Variants in PLD1 observed in about 807,000 individuals in gnomAD.
PLD1 encodes choline phosphatase 1.
Under a neutral mutation model 137.1 loss-of-function variants are expected in PLD1, and 112 were observed. That is an observed-to-expected ratio of 0.82 (90% CI 0.70 to 0.96). PLD1 has a LOEUF of 0.96. Ranked by LOEUF, PLD1 falls within the 40% of genes least tolerant of loss-of-function variation. The pLI is 0.00. For missense variants in PLD1, 1,321 were observed against 1,342.0 expected (o/e 0.98, Z 0.24); for synonymous variants, 431 against 454.7 (o/e 0.95, Z 0.66).
intron 23 of PLD1, 50 bp from the exon 24 acceptor site, chr3:171,620,570 A>G (rs1733506752): frequency 9.0e-7 from 1 of 1,107,348 alleles, no homozygotes; most frequent in Admixed American, 1.8e-5. Context: ...AAGCTCAATA[A>G]ACGTACATTA....
intron 1 of PLD1, among the ~76,000 whole-genome samples, chr3:171,738,433 T>G (rs1719544038): frequency 1.3e-5 from 2 of 152,290 alleles, no homozygotes; most frequent in Admixed American, 6.5e-5. Flanking sequence ...AGAAATAGAT[T>G]ATTTGCTGTA....
intron 1 of PLD1, among the ~76,000 whole-genome samples, chr3:171,754,668 T>G (rs1011419762): frequency 6.6e-6 from 1 of 152,174 alleles, no homozygotes; most frequent in Admixed American, 6.5e-5. Flanking sequence ...ACAAAAGAAG[T>G]AAAGCTAGAA....
At chr3:171,663,253 C>T (rs912314965) in intron 19 of PLD1, among the ~76,000 whole-genome samples, 1 of 152,226 alleles carries the variant, frequency 6.6e-6, no homozygotes, top group Non-Finnish European at 1.5e-5. Context: ...TACGCAGACA[C>T]TCACCTGTCC....
intron 1 of PLD1, among the ~76,000 whole-genome samples, chr3:171,742,041 A>G (rs931924731): frequency 2.0e-5 from 3 of 149,244 alleles, no homozygotes; most frequent in Non-Finnish European, 3.0e-5. Context: ...TCCCATTGTT[A>G]CTAGCATTTT....
chr3:171,759,843 T>C (rs564284681), intron 1 of PLD1, among the ~76,000 whole-genome samples: 4 of 152,364 alleles, frequency 2.6e-5, no homozygotes, highest in African/African-American at 9.6e-5. Context: ...CACTTGCTGT[T>C]TTACTTCTTT....
chr3:171,753,284 G>A (rs972612814), intron 1 of PLD1, among the ~76,000 whole-genome samples: 1 of 152,206 alleles, frequency 6.6e-6, no homozygotes, highest in African/African-American at 2.4e-5. Flanking sequence ...TGAATCCTGT[G>A]ACGACATTCC....
chr3:171,627,734 A>T (rs1246728552), intron 23 of PLD1, among the ~76,000 whole-genome samples: 1 of 152,238 alleles, frequency 6.6e-6, no homozygotes, highest in East Asian at 1.9e-4. Context: ...CTACATGGAA[A>T]CTGAACAACC....
chr3:171,765,288 T>C (rs1007934060), intron 1 of PLD1: 5 of 152,246 alleles, frequency 3.3e-5, no homozygotes, highest in African/African-American at 7.2e-5. Flanking sequence ...TCCATGAGGC[T>C]GCCGTCTTCC....
intron 15 of PLD1, among the ~76,000 whole-genome samples, chr3:171,687,011 T>C (rs758034613): frequency 2.6e-5 from 4 of 152,354 alleles, no homozygotes; most frequent in Admixed American, 2.6e-4. Flanking sequence ...ATAAGCTTGA[T>C]ATATTTCTGG....
At chr3:171,761,972 C>T (rs1035159700) in intron 1 of PLD1, among the ~76,000 whole-genome samples, 10 of 152,162 alleles carry the variant, frequency 6.6e-5, no homozygotes, top group South Asian at 4.1e-4. Flanking sequence ...AATACAGAAA[C>T]GTAACTTTGG....
intron 23 of PLD1, among the ~76,000 whole-genome samples, chr3:171,639,616 TA>T (rs1245503102): frequency 1.9e-4 from 14 of 71,888 alleles, no homozygotes; most frequent in Admixed American, 1.1e-3. Flanking sequence ...ATATATTATA[TA>T]TAATATATAT....
intron 22 of PLD1, among the ~76,000 whole-genome samples, chr3:171,644,091 T>C (rs1735997100): frequency 6.6e-6 from 1 of 152,198 alleles, no homozygotes; most frequent in African/African-American, 2.4e-5. Flanking sequence ...CTGCTTTACT[T>C]ACCAAAGGTT....
rs774527301 is a variant in PLD1 at position 171,688,754 on chromosome 3, C to T, written c.1461G>A (p.Trp487Ter). The T allele has an allele frequency of 1.2e-6, 2 of 1,614,042 alleles. No individual in the cohort carries two copies. Among genetic ancestry groups the T allele is most frequent in the Non-Finnish European group, 1.7e-6 (2 of 1,180,026 alleles). ...VGGIDLAYGRWDDNEHRLTDV... is the reference protein window; with the variant it reads ...VGGIDLAYGR The stretch of plus-strand genomic sequence containing the variant: ...CTGTGAGTCTGTGCTCATTGTCGTC[C>T]CACCTTCCATAGGCCAGGTCAATCC... Residue 487 changes from tryptophan (W) to a stop codon, truncating the protein, a stop_gained, in exon 14 of 27, where the codon TGG becomes TGA. Transcript: ENST00000351298. LOFTEE classifies it high-confidence loss of function.
chr3:171,685,455 T>C (rs1434575926), intron 16 of PLD1, among the ~76,000 whole-genome samples: 3 of 152,194 alleles, frequency 2.0e-5, no homozygotes. Flanking sequence ...GTCTTAATTA[T>C]GGGCACTGGG....
rs1195262809 is a variant in PLD1 at position 171,689,345 on chromosome 3, C to A, written c.1339-469G>T. 2.6e-5 allele frequency among the ~76,000 whole-genome samples: 4 copies of A among 152,226 alleles called. No individual in the cohort carries two copies. In the East Asian group the frequency reaches 7.7e-4, roughly 29 times the overall value. On this transcript the variant is annotated intron_variant, in intron 13 of 26. Transcript: ENST00000351298. ...TATAGGCATATAGATATTTTGGCAG[C>A]TCTTTATTTAAAAGGTACCTTGAGA...
intron 16 of PLD1, among the ~76,000 whole-genome samples, chr3:171,682,108 A>AAAAGAAAGAAAGAAAGAAAGAAAG (rs61458676): frequency 7.3e-4 from 72 of 99,150 alleles, no homozygotes; most frequent in East Asian, 2.1e-3. Context: ...TACAGAAAGA[A>AAAAGAAAGAAAGAAAGAAAGAAAG]AAAGAAAGAA....
At chr3:171,796,866 C>T (rs1723457907) in intron 1 of PLD1, among the ~76,000 whole-genome samples, 1 of 152,146 alleles carries the variant, frequency 6.6e-6, no homozygotes. Flanking sequence ...TCAGCCTATC[C>T]TTGCTTCTGG....
At chr3:171,696,192 G>C (rs974448754) in intron 12 of PLD1, among the ~76,000 whole-genome samples, 4 of 152,192 alleles carry the variant, frequency 2.6e-5, no homozygotes, top group Non-Finnish European at 4.4e-5. Context: ...TTCTAAGGTT[G>C]AGATACACAA....
chr3:171,605,162 A>G, intron 26 of PLD1, 137 bp downstream of exon 26: 1 of 687,080 alleles, frequency 1.5e-6, no homozygotes. Flanking sequence ...GAGGTATTTT[A>G]TTACAACCTG....
Sources: allele counts gnomAD v4.1 joint callset (sites outside exome capture counted in the v4.1 genomes callset), GRCh38; gene constraint gnomAD v4.1.1; transcripts MANE v1.5; gene names NCBI Gene and HGNC (gene_info 2026-07-23, HGNC 2026-07-21).